Variants in CAPN6 observed in about 807,000 individuals in gnomAD.
CAPN6 encodes calpain-6.
A neutral mutation model predicts 46.0 loss-of-function variants in CAPN6; 16 were observed. The ratio of observed to expected loss-of-function variants is 0.35; its 90% CI spans 0.24 to 0.53. CAPN6 has a LOEUF of 0.53. CAPN6 is among the 20% of genes least tolerant of loss of function. CAPN6 has a pLI of 0.94. For missense variants in CAPN6, 461 were observed against 498.0 expected (o/e 0.93, Z 0.71); for synonymous variants, 206 against 172.8 (o/e 1.19, Z -1.51).
At position 111,263,951 on chromosome X, in the gene CAPN6, C is replaced by T. The variant is rs776020256; in HGVS notation, c.-15G>A. 7.1e-6 allele frequency: 8 copies of T among 1,124,431 alleles called. No homozygotes were observed. In the Admixed American group the frequency reaches 8.8e-5, roughly 12 times the overall value. 92.7% of individuals were successfully genotyped at this position (1,124,431 alleles called of 1,213,427 possible). A position where few individuals can be genotyped will look rare whatever the true frequency, so the allele number is the denominator to read the frequency against. ...GGAGGACCCATAGTGTTGAACTATG[C>T]CTAGAATGAGGAAAATTTTTGTCTT... On this transcript the variant is annotated splice_region_variant and 5_prime_UTR_variant, in exon 2 of 13. Transcript: ENST00000324068.
intron 10 of CAPN6, among the ~76,000 whole-genome samples, chrX:111,248,261 A>G (rs1211151624): frequency 8.9e-6 from 1 of 112,100 alleles, no homozygotes; most frequent in Admixed American, 9.5e-5. Context: ...AGCAGGGAGG[A>G]GTGCTACCTA....
At chrX:111,261,742 T>C (rs2094988079) in intron 2 of CAPN6, among the ~76,000 whole-genome samples, 1 of 111,882 alleles carries the variant, frequency 8.9e-6, no homozygotes, top group Non-Finnish European at 1.9e-5. Flanking sequence ...CTTGGTGCAC[T>C]TCTGGGGAAT....
chrX:111,250,166 C>T (rs1234858313), intron 8 of CAPN6, among the ~76,000 whole-genome samples: 8 of 111,177 alleles, frequency 7.2e-5, no homozygotes, highest in Non-Finnish European at 1.3e-4. Flanking sequence ...CTCCTAAATG[C>T]CTGACCAATG....
chrX:111,267,068 C>T, intron 1 of CAPN6, among the ~76,000 whole-genome samples: 1 of 111,907 alleles, frequency 8.9e-6, no homozygotes, highest in Non-Finnish European at 1.9e-5. Flanking sequence ...GAGAAGGGAA[C>T]ACTCCCTCCT....
At chrX:111,267,906 A>G (rs894936044) in intron 1 of CAPN6, among the ~76,000 whole-genome samples, 2 of 112,384 alleles carry the variant, frequency 1.8e-5, no homozygotes, top group African/African-American at 6.5e-5. Context: ...CACAATCCAC[A>G]TCCCTTATCC....
chrX:111,263,975 T>C, intron 1 of CAPN6, 24 bp from the exon 2 acceptor site: 1 of 1,044,451 alleles, frequency 9.6e-7, no homozygotes, highest in Non-Finnish European at 1.3e-6. Context: ...AATTTTTGTC[T>C]TTGAAGGAAG....
At chrX:111,248,828 CTCTG>C in intron 9 of CAPN6, 57 bp from the exon 10 acceptor site, 6 of 1,185,200 alleles carry the variant, frequency 5.1e-6, no homozygotes, top group Non-Finnish European at 6.9e-6. Flanking sequence ...TTTTTGTATG[CTCTG>C]TCTTTTTTAT....
intron 8 of CAPN6, among the ~76,000 whole-genome samples, chrX:111,250,372 G>A (rs992281934): frequency 2.7e-5 from 3 of 111,374 alleles, no homozygotes; most frequent in Non-Finnish European, 5.7e-5. Flanking sequence ...ACCTGGAATA[G>A]CACTGTAATG....
rs2094980369 is a variant in CAPN6, at chrX:111,252,412, G to A, written c.594C>T (p.Asp198=). ...GCTCAGTGTATCTTCCTTTCTGCAT[G>A]TCAACAGTTTCAGCCAATGTGCCCG... ...DFTGTLAETV[D]MQKGRYTELV... is the part of the protein sequence containing the mutation. The change falls in exon 5 of 13, where the codon GAC becomes GAT. Residue 198 remains aspartate (D), a synonymous_variant. Transcript: ENST00000324068. 8.3e-7 allele frequency: 1 copy of A among 1,208,241 alleles called. No individual in the cohort carries two copies. The highest frequency in any genetic ancestry group is 2.2e-5 in the Admixed American group (1 of 45,742).
intron 5 of CAPN6, 148 bp downstream of exon 5, chrX:111,252,159 C>A: frequency 2.2e-6 from 1 of 457,606 alleles, no homozygotes; most frequent in Non-Finnish European, 3.6e-6. Context: ...TCAGCTTCCA[C>A]ACCAGGGCAA....
intron 8 of CAPN6, among the ~76,000 whole-genome samples, chrX:111,250,497 C>A (rs1391190603): frequency 9.0e-6 from 1 of 110,843 alleles, no homozygotes; most frequent in Non-Finnish European, 1.9e-5. Context: ...GAGTCATCTG[C>A]ATTAGAAAGA....
Position 111,248,006 on chromosome X carries a change from A to C in CAPN6, c.1485-14T>G, listed in dbSNP as rs1431106212. On this transcript the variant is annotated splice_polypyrimidine_tract_variant and intron_variant, in intron 10 of 12. Transcript: ENST00000324068. ...AGAGTCAGTTCCCTAGAACATCAAAAATAAAATATTGTCATCATATGATAA... is the reference window on the plus strand; with the variant it reads ...AGAGTCAGTTCCCTAGAACATCAAACATAAAATATTGTCATCATATGATAA... The C allele has an allele frequency of 8.3e-7, 1 of 1,201,818 alleles. No homozygotes were observed. The highest frequency in any genetic ancestry group is 1.8e-5 in the South Asian group (1 of 56,111).
chrX:111,253,524 C>T (rs899007609), intron 3 of CAPN6, among the ~76,000 whole-genome samples: 4 of 112,214 alleles, frequency 3.6e-5, no homozygotes, highest in African/African-American at 6.5e-5. Flanking sequence ...TGTTGAGAAG[C>T]GGACTATATA....
chrX:111,263,745 G>A, intron 2 of CAPN6, 27 bp downstream of exon 2: 1 of 1,172,944 alleles, frequency 8.5e-7, no homozygotes, highest in African/African-American at 1.8e-5. Context: ...AGGTCAAGGA[G>A]ACAGAATGTG....
intron 1 of CAPN6, among the ~76,000 whole-genome samples, chrX:111,267,394 C>A (rs2147541092): frequency 9.0e-6 from 1 of 111,218 alleles, no homozygotes; most frequent in South Asian, 3.9e-4. Context: ...ATGAGGACAA[C>A]CGTGTCTGCC....
Position 111,252,386 on chromosome X carries a change from A to T in CAPN6, c.620T>A (p.Leu207His). 8.3e-7 allele frequency: 1 copy of T among 1,209,811 alleles called. No homozygotes were observed. The highest frequency in any genetic ancestry group is 1.1e-6 in the Non-Finnish European group (1 of 893,898). The change falls in exon 5 of 13, where the codon CTT becomes CAT. Residue 207 changes from leucine (L) to histidine (H), a missense_variant. Transcript: ENST00000324068. ...GAATAGCTTGTACTTCTCCTCAACA[A>T]GCTCAGTGTATCTTCCTTTCTGCAT... is the stretch of plus-strand genomic sequence containing the variant. ...VDMQKGRYTE[L>H]VEEKYKLFGE... is the part of the protein sequence containing the mutation.
Position 111,246,653 on chromosome X carries a change from C to T in CAPN6, c.1850G>A (p.Gly617Asp). The T allele has an allele frequency of 2.5e-6, 3 of 1,210,799 alleles. No homozygotes were observed. Among genetic ancestry groups the T allele is most frequent in the Non-Finnish European group, 3.4e-6 (3 of 894,829 alleles). Residue 617 changes from glycine to aspartate, a missense_variant, in exon 13 of 13, where the codon GGT becomes GAT. Gly to Asp is a moderately conservative substitution (Grantham distance 94). Coordinates refer to ENST00000324068, the MANE Select transcript of CAPN6 (RefSeq NM_014289.4). ...DLKSLYLRKK[G>D]GPTAKVKQGH... ...TTGCTTGACTTTGGCAGTTGGACCACCCTTCTTACGCAGGTACAGAGACTT... is the reference window on the plus strand; with the variant it reads ...TTGCTTGACTTTGGCAGTTGGACCATCCTTCTTACGCAGGTACAGAGACTT...
At chrX:111,266,904 G>T (rs2094992380) in intron 1 of CAPN6, among the ~76,000 whole-genome samples, 1 of 112,970 alleles carries the variant, frequency 8.9e-6, no homozygotes, top group African/African-American at 3.2e-5. Flanking sequence ...CATTGAAAAG[G>T]TTCTTTATTT....
At position 111,258,375 on chromosome X, in the gene CAPN6, C is replaced by T. The variant is rs748453713; in HGVS notation, c.166-3972G>A. On this transcript the variant is annotated intron_variant, in intron 2 of 12. Coordinates refer to ENST00000324068, the MANE Select transcript of CAPN6 (RefSeq NM_014289.4). ...TGGACACCTACAAGTGAGGTCAGGC[C>T]TGCAGTAGGTATATTATGAATAAGT... Among the ~76,000 whole-genome samples the T allele has an allele frequency of 2.7e-5, 3 of 111,813 alleles. No individual in the cohort carries two copies. The South Asian group carries it at 1.1e-3, about 43-fold the overall frequency.
Sources: gnomAD v4.1 joint callset for allele counts (sites outside exome capture counted in the v4.1 genomes callset) on GRCh38, gnomAD v4.1.1 for gene constraint, MANE v1.5 for transcripts, NCBI Gene and HGNC (gene_info 2026-07-23, HGNC 2026-07-21) for gene names.